MYOF: variants seen among roughly 807,000 people sequenced by gnomAD.
MYOF encodes the protein myoferlin, also known as fer-1-like 3, myoferlin.
MYOF carries 244 observed loss-of-function variants against 284.2 expected under a neutral mutation model. The ratio of observed to expected loss-of-function variants is 0.86; its 90% confidence interval spans 0.77 to 0.95. The LOEUF (loss-of-function observed/expected upper bound fraction) is 0.95, where lower values mean the gene tolerates loss of function less well. MYOF is among the 40% of genes least tolerant of loss of function. The pLI, the probability that MYOF is intolerant of heterozygous loss-of-function variation, is 0.00. For synonymous variants in MYOF, 904 were observed against 919.7 expected (o/e 0.98, Z 0.31); for missense variants, 2,496 against 2,560.6 (o/e 0.97, Z 0.54).
At chr10:93,438,695 A>T (rs1033014561) in intron 3 of MYOF, among the ~76,000 whole-genome samples, 2 of 152,132 alleles carry the variant, frequency 1.3e-5, no homozygotes, top group Admixed American at 6.6e-5. Flanking sequence ...GGGATAGGGA[A>T]GGCAGAAGGC....
intron 2 of MYOF, among the ~76,000 whole-genome samples, chr10:93,453,806 G>C (rs1244472547): frequency 2.0e-5 from 3 of 152,012 alleles, no homozygotes; most frequent in Non-Finnish European, 4.4e-5. Context: ...GATTGCTTGA[G>C]CCCAGTTAGT....
chr10:93,462,915 C>A (rs538654044), intron 1 of MYOF, among the ~76,000 whole-genome samples: 3 of 152,188 alleles, frequency 2.0e-5, no homozygotes, highest in Non-Finnish European at 4.4e-5. Flanking sequence ...TTACCTACCC[C>A]CCAACCTGGC....
chr10:93,421,989 G>A (rs1009817404), intron 5 of MYOF, among the ~76,000 whole-genome samples: 5 of 150,648 alleles, frequency 3.3e-5, no homozygotes, highest in Non-Finnish European at 7.4e-5. Context: ...TTAGGAAGCC[G>A]ACACACAGAA....
At chr10:93,443,336 T>C (rs2056327847) in intron 3 of MYOF, among the ~76,000 whole-genome samples, 1 of 152,198 alleles carries the variant, frequency 6.6e-6, no homozygotes, top group African/African-American at 2.4e-5. Flanking sequence ...AAACTCTTTC[T>C]AGTCCTGCCT....
intron 17 of MYOF, among the ~76,000 whole-genome samples, chr10:93,390,650 A>G (rs922931341): frequency 2.0e-5 from 3 of 152,240 alleles, no homozygotes; most frequent in Non-Finnish European, 4.4e-5. Context: ...CATTGCAAAG[A>G]CGATTAATTG....
At chr10:93,339,137 C>T (rs1354248339) in intron 39 of MYOF, among the ~76,000 whole-genome samples, 5 of 151,580 alleles carry the variant, frequency 3.3e-5, no homozygotes, top group Admixed American at 1.3e-4. Context: ...CTCAGCCTCC[C>T]GAGTAGCTGG....
chr10:93,339,766 GC>G (rs1274340743), intron 39 of MYOF, among the ~76,000 whole-genome samples: 2 of 150,570 alleles, frequency 1.3e-5, no homozygotes, highest in Non-Finnish European at 3.0e-5. Flanking sequence ...ACTGTGCCCG[GC>G]CCCCCTAGAT....
intron 5 of MYOF, among the ~76,000 whole-genome samples, chr10:93,424,608 G>T (rs1301417871): frequency 6.6e-6 from 1 of 152,214 alleles, no homozygotes; most frequent in African/African-American, 2.4e-5. Flanking sequence ...TGCTGCTGAT[G>T]TGCTGGGGCC....
At chr10:93,401,622 G>A in intron 11 of MYOF, 78 bp from the exon 12 acceptor site, 1 of 1,544,856 alleles carries the variant, frequency 6.5e-7, no homozygotes, top group Non-Finnish European at 8.8e-7. Flanking sequence ...CTTATAAAAT[G>A]AAACCATTCA....
intron 48 of MYOF, among the ~76,000 whole-genome samples, chr10:93,322,101 A>C (rs770825065): frequency 6.6e-6 from 1 of 152,236 alleles, no homozygotes; most frequent in South Asian, 2.1e-4. Flanking sequence ...ATCCAAAAAT[A>C]ATAATGAAGA....
intron 2 of MYOF, among the ~76,000 whole-genome samples, chr10:93,453,167 C>T (rs1217958234): frequency 4.3e-5 from 4 of 93,814 alleles, no homozygotes; most frequent in Non-Finnish European, 8.3e-5. Flanking sequence ...CCACCATACC[C>T]AGCTAATTTT....
intron 9 of MYOF, 104 bp downstream of exon 9, chr10:93,403,919 C>T: frequency 1.6e-6 from 2 of 1,252,696 alleles, no homozygotes; most frequent in Middle Eastern, 2.5e-4. Flanking sequence ...TGAACCCTTA[C>T]ACATTCCCAA....
chr10:93,404,753 C>G (rs1847475590), intron 7 of MYOF, among the ~76,000 whole-genome samples: 1 of 151,648 alleles, frequency 6.6e-6, no homozygotes, highest in Non-Finnish European at 1.5e-5. Context: ...TTAAATTTCT[C>G]TAATATCTTT....
intron 3 of MYOF, among the ~76,000 whole-genome samples, chr10:93,441,459 A>T (rs964805390): frequency 6.6e-6 from 1 of 151,344 alleles, no homozygotes; most frequent in Non-Finnish European, 1.5e-5. Context: ...ATCTCAGCTC[A>T]TTGCAAGCTC....
At chr10:93,309,027 G>GTGTT (rs887890204) in intron 53 of MYOF, among the ~76,000 whole-genome samples, 3 of 152,100 alleles carry the variant, frequency 2.0e-5, no homozygotes, top group African/African-American at 7.2e-5. Flanking sequence ...TATTATTAAT[G>GTGTT]TGTTTTTGGA....
chr10:93,455,307 A>AAAAAAC lies in MYOF; in HGVS notation c.144+1574_144+1575insGTTTTT, dbSNP rs1238920977. On this transcript the variant is annotated intron_variant, in intron 2 of 53. Coordinates refer to ENST00000359263, the MANE Select transcript of MYOF (RefSeq NM_013451.4). ...AAAAACAAAAACAAAAACAAAAAAC[A>AAAAAAC]AAAAAACAAAAAAAGAACAAAAAAA... 5.3e-4 allele frequency among the ~76,000 whole-genome samples: 7 copies of AAAAAAC among 13,308 alleles called. No individual in the cohort carries two copies. In the East Asian group the frequency reaches 0.013, roughly 25 times the overall value. 8.7% of individuals were successfully genotyped at this position (13,308 alleles called of 152,430 possible).
At chr10:93,431,678 A>G (rs1848878420) in intron 3 of MYOF, among the ~76,000 whole-genome samples, 162 bp from the exon 4 acceptor site, 3 of 152,118 alleles carry the variant, frequency 2.0e-5, no homozygotes, top group Non-Finnish European at 1.5e-5. Context: ...TTTTGGCAGT[A>G]AACATATCTG....
At chr10:93,476,776 G>A (rs1477599172) in intron 1 of MYOF, among the ~76,000 whole-genome samples, 1 of 152,166 alleles carries the variant, frequency 6.6e-6, no homozygotes, top group African/African-American at 2.4e-5. Context: ...TAATTAGAGG[G>A]GGGATATTCT....
chr10:93,473,704 G>A (rs967468291), intron 1 of MYOF, among the ~76,000 whole-genome samples: 3 of 152,124 alleles, frequency 2.0e-5, no homozygotes, highest in African/African-American at 4.8e-5. Flanking sequence ...CCTTGAGCAC[G>A]CTGAAGTGGG....
Sources: allele counts gnomAD v4.1 joint callset (sites outside exome capture counted in the v4.1 genomes callset), GRCh38; gene constraint gnomAD v4.1.1; transcripts MANE v1.5; gene names NCBI Gene and HGNC (gene_info 2026-07-23, HGNC 2026-07-21).